The following SLC3A2 variants were observed in gnomAD, a reference collection of about 807,000 sequenced individuals.
SLC3A2 encodes solute carrier family 3 member 2.
In SLC3A2, 32 loss-of-function variants were observed where a neutral mutation model predicts 48.5. The observed-to-expected ratio is 0.66, with a 90% CI of 0.50 to 0.89. SLC3A2 has a LOEUF of 0.89. SLC3A2 is among the 40% of genes least tolerant of loss of function. The pLI is 0.00. For missense variants in SLC3A2, 587 were observed against 680.7 expected (o/e 0.86, Z 1.53); for synonymous variants, 277 against 288.8 (o/e 0.96, Z 0.41).
At chr11:62,884,364 A>T in intron 3 of SLC3A2, 93 bp from the exon 4 acceptor site, 1 of 1,324,100 alleles carries the variant, frequency 7.6e-7, no homozygotes, top group South Asian at 1.2e-5. Flanking sequence ...CTCCCGGGGA[A>T]GTGTGTGGTG....
At position 62,881,333 on chromosome 11, in the gene SLC3A2, G is replaced by A. The variant is rs2085635430; in HGVS notation, c.310G>A (p.Val104Met). The stretch of plus-strand genomic sequence containing the variant: ...GCTTGCTGGTGCCGTGGTCATAATC[G>A]TGCGAGCGCCGCGTTGTCGCGAGCT... Reference protein sequence around the residue: ...GMLAGAVVIIVRAPRCRELPA... With the variant: ...GMLAGAVVIIMRAPRCRELPA... The change falls in exon 1 of 9, where the codon GTG (valine) becomes ATG (methionine). Residue 104 changes from valine to methionine, a missense_variant. Transcript: ENST00000338663. The surrounding 1 kb of genome is among the most constrained non-coding windows in gnomAD (Gnocchi z 4.0). The A allele has an allele frequency of 6.3e-7, 1 of 1,586,538 alleles. No homozygotes were observed. The highest frequency in any genetic ancestry group is 8.5e-7 in the Non-Finnish European group (1 of 1,170,846).
At chr11:62,859,913 C>T (rs2085379788) in intron 1 of SLC3A2, among the ~76,000 whole-genome samples, 1 of 152,042 alleles carries the variant, frequency 6.6e-6, no homozygotes. Flanking sequence ...AGAAATAAGA[C>T]ACAGAGACAA....
Position 62,881,768 on chromosome 11 carries a change from C to A in SLC3A2, c.425-125C>A. The stretch of plus-strand genomic sequence containing the variant: ...AGCTCCTCTGAGTCTCGTGATTCAG[C>A]CTTGCCTCCCTCTCTCCCCCTTTGC... On this transcript the variant is annotated intron_variant, in intron 1 of 8. Coordinates refer to ENST00000338663, the MANE Select transcript of SLC3A2 (RefSeq NM_001013251.3). This position sits in a 1 kb window ranked among gnomAD's most constrained non-coding sequence, Gnocchi z 4.0. 1 of 1,098,920 alleles carries A rather than the reference C, an allele frequency of 9.1e-7. No homozygotes were observed. The highest frequency in any genetic ancestry group is 1.3e-6 in the Non-Finnish European group (1 of 764,184). 68.1% of individuals were successfully genotyped at this position (1,098,920 alleles called of 1,614,324 possible).
chr11:62,869,591 G>GT (rs1184227116), intron 1 of SLC3A2, among the ~76,000 whole-genome samples: 1 of 149,248 alleles, frequency 6.7e-6, no homozygotes, highest in African/African-American at 2.5e-5. Flanking sequence ...ATGATTATTG[G>GT]TTTTTTTCGT....
chr11:62,862,751 G>A (rs1159611045), intron 1 of SLC3A2, among the ~76,000 whole-genome samples: 4 of 152,114 alleles, frequency 2.6e-5, no homozygotes, highest in Non-Finnish European at 5.9e-5. Context: ...TTCATTGACT[G>A]TCCTACCTTA....
intron 5 of SLC3A2, 45 bp downstream of exon 5, chr11:62,884,735 C>T: frequency 2.0e-6 from 3 of 1,514,598 alleles, no homozygotes; most frequent in East Asian, 4.6e-5. Context: ...AATGTGGGAA[C>T]CCCTCAGTGG....
At chr11:62,859,363 C>T (rs530561232) in intron 1 of SLC3A2, among the ~76,000 whole-genome samples, 12 of 152,294 alleles carry the variant, frequency 7.9e-5, no homozygotes, top group Non-Finnish European at 1.3e-4. Flanking sequence ...GGTAAGGTCA[C>T]AGAATCTCAA....
At chr11:62,864,381 C>T (rs112475585) in intron 1 of SLC3A2, among the ~76,000 whole-genome samples, 336 of 152,070 alleles carry the variant, frequency 2.2e-3, no homozygotes, top group Admixed American at 4.2e-3. Context: ...TTCCACCTTC[C>T]GAGTTCAAGC....
At chr11:62,858,941 A>G (rs1039904044) in intron 1 of SLC3A2, among the ~76,000 whole-genome samples, 5 of 152,322 alleles carry the variant, frequency 3.3e-5, no homozygotes, top group African/African-American at 1.2e-4. Context: ...GGAACGTACA[A>G]TCGGGTTTTA....
chr11:62,886,837 G>A (rs2085720999), intron 7 of SLC3A2, among the ~76,000 whole-genome samples: 1 of 152,076 alleles, frequency 6.6e-6, no homozygotes, highest in Admixed American at 6.6e-5. Context: ...GGGCTCAATC[G>A]CTCTGCCTGC....
At chr11:62,888,101 G>C in intron 7 of SLC3A2, 34 bp from the exon 8 acceptor site, 1 of 1,590,488 alleles carries the variant, frequency 6.3e-7, no homozygotes, top group Non-Finnish European at 8.6e-7. Context: ...CTGACCCCAG[G>C]CCTTTTTAAA....
intron 1 of SLC3A2, among the ~76,000 whole-genome samples, chr11:62,873,754 T>C (rs1458020971): frequency 1.3e-5 from 2 of 152,122 alleles, no homozygotes; most frequent in East Asian, 3.8e-4. Context: ...GCGTGAGCCA[T>C]GGCACCTGGC....
In SLC3A2 at chr11:62,873,227, G is replaced by A. The variant is rs184511680; in HGVS notation, c.113-7792G>A. Among the ~76,000 whole-genome samples, 70 of 151,942 alleles carry A rather than the reference G, an allele frequency of 4.6e-4. 1 individual carries two copies. The Middle Eastern group carries it at 0.01, about 22-fold the overall frequency. ...TTTGTGGCCGGGCCTGGTGGCTCAC[G>A]TCTGTAATCCTAGCATTTTGGGAGG... On this transcript the variant is annotated intron_variant, in intron 1 of 9. Coordinates refer to the SLC3A2 transcript ENST00000377889.
At chr11:62,867,095 A>G (rs1307246796) in intron 1 of SLC3A2, among the ~76,000 whole-genome samples, 1 of 151,518 alleles carries the variant, frequency 6.6e-6, no homozygotes, top group East Asian at 1.9e-4. Context: ...GGTTCAAGTG[A>G]TTCTCCTGCC....
chr11:62,881,481 C>A lies in SLC3A2; in HGVS notation c.424+34C>A. ...AGCGCGCCCCCGTCCCGGGTACCTC[C>A]GGTTGAATCTGGTGGCTTGCACCGA... is the stretch of plus-strand genomic sequence containing the variant. On this transcript the variant is annotated intron_variant, in intron 1 of 8. Transcript: ENST00000338663. This position sits in a 1 kb window ranked among gnomAD's most constrained non-coding sequence, Gnocchi z 4.0. The A allele has an allele frequency of 6.5e-7, 1 of 1,536,420 alleles. No homozygotes were observed. The highest frequency in any genetic ancestry group is 8.7e-7 in the Non-Finnish European group (1 of 1,148,840).
At chr11:62,884,750 C>G in intron 5 of SLC3A2, 60 bp downstream of exon 5, 1 of 1,375,692 alleles carries the variant, frequency 7.3e-7, no homozygotes, top group Non-Finnish European at 9.8e-7. Flanking sequence ...CAGTGGAGTG[C>G]TAGGCCTAAG....
chr11:62,864,797 C>T (rs565384548), intron 1 of SLC3A2, among the ~76,000 whole-genome samples: 1 of 150,884 alleles, frequency 6.6e-6, no homozygotes, highest in African/African-American at 2.4e-5. Context: ...GAGACAGAGT[C>T]CCACTCTGTC....
chr11:62,888,719 C>G lies in SLC3A2; in HGVS notation c.*26C>G. The G allele has an allele frequency of 6.5e-7, 1 of 1,533,996 alleles. No homozygotes were observed. Among genetic ancestry groups the G allele is most frequent in the South Asian group, 1.2e-5 (1 of 82,606 alleles). Reference sequence around the variant, plus strand: ...CTTCAGCCTGACATGGACCCACTACCCTTCTCCTTTCCTTCCCAGGCCCTT... The same window carrying G: ...CTTCAGCCTGACATGGACCCACTACGCTTCTCCTTTCCTTCCCAGGCCCTT... On this transcript the variant is annotated 3_prime_UTR_variant, in exon 9 of 9. Transcript: ENST00000338663.
chr11:62,856,515 T>C lies in SLC3A2; in HGVS notation c.112+134T>C, dbSNP rs530261111. On this transcript the variant is annotated intron_variant, in intron 1 of 9. Transcript: ENST00000377889. ...CTAACTGGTTCCCTATGTCCTGCCT[T>C]CTGGTGCGTTTTCTTTAGATCTTGG... The C allele has an allele frequency of 1.8e-4, 127 of 709,632 alleles. 1 individual carries two copies. The African/African-American group carries it at 2.0e-3, about 11-fold the overall frequency. 44.0% of individuals were successfully genotyped at this position (709,632 alleles called of 1,614,324 possible). A position where few individuals can be genotyped will look rare whatever the true frequency, so the allele number is the denominator to read the frequency against.
Sources: allele counts gnomAD v4.1 joint callset (sites outside exome capture counted in the v4.1 genomes callset), GRCh38; gene constraint gnomAD v4.1.1; non-coding constraint Gnocchi (gnomAD v3.1); transcripts MANE v1.5; gene names NCBI Gene and HGNC (gene_info 2026-07-23, HGNC 2026-07-21).